The following EDAR variants were observed in gnomAD, a reference collection of about 807,000 sequenced individuals.
EDAR encodes the protein ectodysplasin A receptor.
EDAR carries 38 observed loss-of-function variants against 51.3 expected under a neutral mutation model. The observed-to-expected ratio is 0.74, with a 90% CI of 0.57 to 0.97. The LOEUF (loss-of-function observed/expected upper bound fraction) is 0.97, where lower values mean the gene tolerates loss of function less well. Among genes scored for constraint, EDAR ranks in the 50% least tolerant of loss-of-function variants. The pLI, the probability that EDAR is intolerant of heterozygous loss-of-function variation, is 0.00. For synonymous variants in EDAR, 227 were observed against 242.1 expected (o/e 0.94, Z 0.58); for missense variants, 528 against 595.0 (o/e 0.89, Z 1.17).
At chr2:108,951,213 T>C (rs1487379113) in intron 1 of EDAR, among the ~76,000 whole-genome samples, 3 of 152,248 alleles carry the variant, frequency 2.0e-5, no homozygotes, top group Admixed American at 6.5e-5. Context: ...GTTTCCCCTA[T>C]AGCAGCTGTG....
In EDAR at chr2:108,977,994, G is replaced by A. The variant is rs76508359; in HGVS notation, c.-19+10966C>T. ...AACTCCTCAGGGAGCTTCTATTCTC[G>A]TAGAGGAACTCCAGCCAACTTCATC... On this transcript the variant is annotated intron_variant, in intron 1 of 11. Coordinates refer to ENST00000258443, the MANE Select transcript of EDAR (RefSeq NM_022336.4). Among the ~76,000 whole-genome samples the A allele has an allele frequency of 7.2e-3, 1,093 of 152,304 alleles. 8 individuals are homozygous for A. Among genetic ancestry groups the A allele is most frequent in the South Asian group, 0.028 (134 of 4,826 alleles).
intron 6 of EDAR, 72 bp from the exon 7 acceptor site, chr2:108,911,144 C>A (rs765958662): frequency 1.9e-6 from 3 of 1,584,494 alleles, no homozygotes; most frequent in Admixed American, 3.3e-5. Context: ...AGGACTCCGG[C>A]CCCTGGAAGC....
intron 1 of EDAR, among the ~76,000 whole-genome samples, chr2:108,965,938 C>T (rs779514682): frequency 2.2e-4 from 34 of 152,212 alleles, no homozygotes; most frequent in Admixed American, 7.2e-4. Context: ...GTACTATCAA[C>T]GTCAAATCAG....
chr2:108,966,782 C>A (rs1249017207), intron 1 of EDAR, among the ~76,000 whole-genome samples: 3 of 152,324 alleles, frequency 2.0e-5, no homozygotes, highest in African/African-American at 4.8e-5. Context: ...TGGAAGGGAG[C>A]ACAGTGGAGG....
chr2:108,896,854 G>A lies in EDAR; in HGVS notation c.*53C>T. 6.4e-7 allele frequency: 1 copy of A among 1,555,298 alleles called. No homozygotes were observed. Among genetic ancestry groups the A allele is most frequent in the Non-Finnish European group, 8.8e-7 (1 of 1,141,960 alleles). On this transcript the variant is annotated 3_prime_UTR_variant, in exon 12 of 12. Transcript: ENST00000258443. ...TTTTGGCACCACTCACAGCTCCAGA[G>A]CCCTCGTTGGCTCCTTGGCTTGTCC...
In EDAR at chr2:108,904,949, G is replaced by A. The variant is rs142926895; in HGVS notation, c.1024+1359C>T. Among the ~76,000 whole-genome samples the A allele has an allele frequency of 2.5e-3, 384 of 152,246 alleles. 2 individuals carry two copies. The highest frequency in any genetic ancestry group is 4.5e-3 in the Non-Finnish European group (305 of 68,000). On this transcript the variant is annotated intron_variant, in intron 11 of 11. Coordinates refer to ENST00000258443, the MANE Select transcript of EDAR (RefSeq NM_022336.4). Reference sequence around the variant, plus strand: ...GTGTATAGTTTTGCAAGATGTTATCGTTAGGAGAAACTGGGTAAAGGGCAT... The same window carrying A: ...GTGTATAGTTTTGCAAGATGTTATCATTAGGAGAAACTGGGTAAAGGGCAT...
chr2:108,980,055 A>G (rs1404831732), intron 1 of EDAR, among the ~76,000 whole-genome samples: 1 of 126,770 alleles, frequency 7.9e-6, no homozygotes, highest in Non-Finnish European at 1.5e-5. Flanking sequence ...ACACACTCAC[A>G]CTTAACAGAT....
chr2:108,897,379 T>C, intron 11 of EDAR, 150 bp from the exon 12 acceptor site: 2 of 772,094 alleles, frequency 2.6e-6, no homozygotes, highest in Non-Finnish European at 2.1e-6. Context: ...AACAAATGCA[T>C]AACTTAAGGC....
chr2:108,974,329 C>CAAAAAAAAA, intron 1 of EDAR, among the ~76,000 whole-genome samples: 1 of 61,496 alleles, frequency 1.6e-5, no homozygotes, highest in Non-Finnish European at 2.7e-5. Context: ...GGATCCGTCT[C>CAAAAAAAAA]AAAAAAAAAA....
chr2:108,896,751 AG>A lies in EDAR; in HGVS notation c.*155del. On this transcript the variant is annotated 3_prime_UTR_variant, in exon 12 of 12. Transcript: ENST00000258443. ...TTTATCTTTGGTTAAATTGGAAGAC[AG>A]GCCTTATTTCGTCTGGCTCCTTGAA... The A allele has an allele frequency of 1.4e-6, 1 of 689,844 alleles. No individual in the cohort carries two copies. The highest frequency in any genetic ancestry group is 2.7e-5 in the East Asian group (1 of 36,694). The allele number at this position is 689,844 out of a possible 1,614,324, so 42.7% of individuals were successfully genotyped here.
chr2:108,948,458 C>T (rs529689014), intron 1 of EDAR, among the ~76,000 whole-genome samples: 8 of 152,266 alleles, frequency 5.3e-5, no homozygotes, highest in East Asian at 1.9e-4. Context: ...TGTATTAGTC[C>T]GTTCTCACAC....
chr2:108,923,153 C>A (rs1192078493), intron 5 of EDAR, among the ~76,000 whole-genome samples: 1 of 152,170 alleles, frequency 6.6e-6, no homozygotes, highest in Non-Finnish European at 1.5e-5. Context: ...GGCCAACCTG[C>A]ACTAGAACCT....
intron 4 of EDAR, among the ~76,000 whole-genome samples, chr2:108,928,105 C>T (rs1697293728): frequency 6.6e-6 from 1 of 152,128 alleles, no homozygotes; most frequent in Admixed American, 6.5e-5. Context: ...GTTTCCAGAG[C>T]CTGGTTCCAT....
At chr2:108,955,881 T>C (rs1350578924) in intron 1 of EDAR, among the ~76,000 whole-genome samples, 1 of 151,222 alleles carries the variant, frequency 6.6e-6, no homozygotes, top group Non-Finnish European at 1.5e-5. Context: ...TACAAAAAAT[T>C]AGCCGGGCAT....
chr2:108,980,417 C>T (rs6711767), intron 1 of EDAR, among the ~76,000 whole-genome samples: 18,882 of 151,876 alleles, frequency 0.12, 1,576 homozygotes, highest in Middle Eastern at 0.19. Context: ...AGCAGCAAGT[C>T]GTGATTTTAA....
intron 1 of EDAR, among the ~76,000 whole-genome samples, chr2:108,984,812 A>G (rs1415019741): frequency 6.6e-6 from 1 of 152,080 alleles, no homozygotes; most frequent in Non-Finnish European, 1.5e-5. Context: ...TACTCACTAC[A>G]TCCCAGCATG....
intron 3 of EDAR, 32 bp downstream of exon 3, chr2:108,930,088 C>T (rs767499505): frequency 1.6e-5 from 25 of 1,601,334 alleles, no homozygotes; most frequent in Admixed American, 5.1e-5. Context: ...CCCCTGAGAG[C>T]GCACCAGGCT....
At chr2:108,966,006 T>C (rs1481699561) in intron 1 of EDAR, among the ~76,000 whole-genome samples, 2 of 152,200 alleles carry the variant, frequency 1.3e-5, no homozygotes, top group African/African-American at 4.8e-5. Context: ...GAGTGACACC[T>C]TCCCTTTTAC....
chr2:108,906,297 T>C lies in EDAR; in HGVS notation c.1024+11A>G. The stretch of plus-strand genomic sequence containing the variant: ...GGGCACCACCTCTCCCAGGCTTTTT[T>C]TTCAGCTTACCTTCCACGACTCCAC... On this transcript the variant is annotated intron_variant, in intron 11 of 11. Coordinates refer to ENST00000258443, the MANE Select transcript of EDAR (RefSeq NM_022336.4). 1 of 1,614,214 alleles carries C rather than the reference T, an allele frequency of 6.2e-7. No homozygotes were observed. Among genetic ancestry groups the C allele is most frequent in the Non-Finnish European group, 8.5e-7 (1 of 1,180,022 alleles).
Sources: allele counts gnomAD v4.1 joint callset (sites outside exome capture counted in the v4.1 genomes callset), GRCh38; gene constraint gnomAD v4.1.1; transcripts MANE v1.5; gene names NCBI Gene and HGNC (gene_info 2026-07-23, HGNC 2026-07-21).